Variants in UNKL observed in about 807,000 individuals in gnomAD.
UNKL encodes putative E3 ubiquitin-protein ligase UNKL.
Under a neutral mutation model 78.0 loss-of-function variants are expected in UNKL, and 60 were observed. That is an observed-to-expected ratio of 0.77 (90% confidence interval 0.63 to 0.95). UNKL has a LOEUF of 0.95. Ranked by LOEUF, UNKL falls within the 40% of genes least tolerant of loss-of-function variation. The probability of loss-of-function intolerance (pLI) is 0.00; values close to 1 mark genes in which losing one functional copy is unlikely to be tolerated. For synonymous variants in UNKL, 608 were observed against 474.8 expected, an observed-to-expected ratio of 1.28 and a Z score of -3.65; for missense variants, 1,159 against 1,045.7, an observed-to-expected ratio of 1.11 and a Z score of -1.49.
At chr16:1,391,819 C>T (rs1331219144) in intron 8 of UNKL, among the ~76,000 whole-genome samples, 1 of 152,184 alleles carries the variant, frequency 6.6e-6, no homozygotes, top group Non-Finnish European at 1.5e-5. Flanking sequence ...TCTGGAGTAG[C>T]TGGGATTACA....
intron 10 of UNKL, among the ~76,000 whole-genome samples, chr16:1,381,791 GT>G (rs1383524961): frequency 6.6e-6 from 1 of 152,156 alleles, no homozygotes; most frequent in Non-Finnish European, 1.5e-5. Flanking sequence ...AAACTAGCAT[GT>G]TCTCACCGGG....
intron 2 of UNKL, among the ~76,000 whole-genome samples, chr16:1,404,719 G>T (rs562553489): frequency 6.6e-6 from 1 of 152,218 alleles, no homozygotes; most frequent in African/African-American, 2.4e-5. Flanking sequence ...ACCCAAGTGG[G>T]CGCCAATGGA....
rs765514513 is a variant in UNKL, at chr16:1,414,023, G to A, written c.110C>T (p.Pro37Leu). ...YLKEFRTEQC[P>L]LFSQHKCAQH... Reference sequence around the variant, plus strand: ...CGCGCACTTGTGCTGTGAAAACAGGGGGCACTGCTCCGTCCTGAACTCCTT... The same window carrying A: ...CGCGCACTTGTGCTGTGAAAACAGGAGGCACTGCTCCGTCCTGAACTCCTT... The change falls in exon 2 of 15, where the codon CCC (proline) becomes CTC (leucine). Residue 37 changes from proline to leucine, a missense_variant. Coordinates refer to ENST00000389221, the MANE Select transcript of UNKL (RefSeq NM_001372107.1). 1.2e-5 allele frequency: 18 copies of A among 1,550,830 alleles called. No individual in the cohort carries two copies. Among genetic ancestry groups the A allele is most frequent in the South Asian group, 2.4e-5 (2 of 84,084 alleles).
Position 1,403,408 on chromosome 16 carries a change from T to G in UNKL, c.288-64A>C. 2.0e-6 allele frequency: 3 copies of G among 1,517,454 alleles called. No homozygotes were observed. 94.0% of individuals were successfully genotyped at this position (1,517,454 alleles called of 1,614,324 possible). On this transcript the variant is annotated intron_variant, in intron 2 of 14. Coordinates refer to ENST00000389221, the MANE Select transcript of UNKL (RefSeq NM_001372107.1). This position sits in a 1 kb window ranked among gnomAD's most constrained non-coding sequence, Gnocchi z 4.8. ...GACCCAGAGGCAGCCCTAAGCTCCC[T>G]GGGTCCACGCCCTGTCAGCACGTGG...
intron 5 of UNKL, among the ~76,000 whole-genome samples, chr16:1,397,516 C>G (rs1293465358): frequency 1.7e-5 from 1 of 57,150 alleles, no homozygotes. Context: ...TTGGCTCCCC[C>G]ACCCCGACCC....
chr16:1,396,501 CCT>C (rs1433330257), intron 6 of UNKL, among the ~76,000 whole-genome samples: 2 of 150,900 alleles, frequency 1.3e-5, no homozygotes, highest in African/African-American at 4.9e-5. Flanking sequence ...GTTTCGAACC[CCT>C]GACCTCAAGT....
chr16:1,394,745 G>A lies in UNKL; in HGVS notation c.853-530C>T, dbSNP rs537915779. Among the ~76,000 whole-genome samples the A allele has an allele frequency of 1.8e-4, 28 of 152,196 alleles. 1 individual carries two copies. The South Asian group carries it at 5.8e-3, about 32-fold the overall frequency. ...GCTCTCCGTAAAGGACACGGCACCTGGCACGCCAGGCCTCCAGTGCCCACA... is the reference window on the plus strand; with the variant it reads ...GCTCTCCGTAAAGGACACGGCACCTAGCACGCCAGGCCTCCAGTGCCCACA... On this transcript the variant is annotated intron_variant, in intron 6 of 14. Coordinates refer to ENST00000389221, the MANE Select transcript of UNKL (RefSeq NM_001372107.1).
At chr16:1,378,324 A>G (rs2036386155) in intron 10 of UNKL, among the ~76,000 whole-genome samples, 1 of 152,352 alleles carries the variant, frequency 6.6e-6, no homozygotes, top group African/African-American at 2.4e-5. Flanking sequence ...TAGTCAGGTC[A>G]GCCAGGCTCG....
intron 2 of UNKL, among the ~76,000 whole-genome samples, chr16:1,406,685 G>C (rs559558161): frequency 1.3e-5 from 2 of 152,232 alleles, no homozygotes; most frequent in African/African-American, 4.8e-5. Context: ...GCCGGCCGTG[G>C]GCTTTCCTCT....
intron 10 of UNKL, among the ~76,000 whole-genome samples, chr16:1,375,951 C>T (rs948189789): frequency 7.9e-5 from 12 of 152,234 alleles, no homozygotes; most frequent in Non-Finnish European, 1.3e-4. Flanking sequence ...TGACTGAAGT[C>T]GTGCTGAGCA....
rs1486171126 is a variant in UNKL at position 1,363,837 on chromosome 16, G to A, written c.*2403C>T. The A allele has an allele frequency of 1.3e-5, 2 of 152,890 alleles. No homozygotes were observed. The highest frequency in any genetic ancestry group is 2.4e-5 in the African/African-American group (1 of 41,588). 9.5% of individuals were successfully genotyped at this position (152,890 alleles called of 1,614,324 possible). A position where few individuals can be genotyped will look rare whatever the true frequency, so the allele number is the denominator to read the frequency against. ...TGTCCTCAGAGCCAGTACTGATCTA[G>A]GGGAGCAGGTGCCACCTCCATCTCC... On this transcript the variant is annotated 3_prime_UTR_variant, in exon 15 of 15. Coordinates refer to ENST00000389221, the MANE Select transcript of UNKL (RefSeq NM_001372107.1).
chr16:1,372,089 A>C (rs527779196), intron 10 of UNKL, among the ~76,000 whole-genome samples: 1 of 23,550 alleles, frequency 4.2e-5, no homozygotes, highest in Non-Finnish European at 7.2e-5. Flanking sequence ...ACCCCGTCTC[A>C]ACCAAAAAAA....
intron 2 of UNKL, among the ~76,000 whole-genome samples, chr16:1,405,035 A>T (rs1406660689): frequency 6.6e-6 from 1 of 151,954 alleles, no homozygotes; most frequent in Non-Finnish European, 1.5e-5. Context: ...CTCTACAACA[A>T]ATTTAAAAAT....
In UNKL at chr16:1,399,679, C is replaced by A; in HGVS notation, c.599-170G>T. On this transcript the variant is annotated intron_variant, in intron 4 of 14. Transcript: ENST00000389221. This position sits in a 1 kb window ranked among gnomAD's most constrained non-coding sequence, Gnocchi z 5.8. The stretch of plus-strand genomic sequence containing the variant: ...ACGCTGATGTCAAAGGACTCGCGCT[C>A]CATGAGGGAAGCCGGGCCAGAAGGC... 2 of 1,021,794 alleles carry A rather than the reference C, an allele frequency of 2.0e-6. No homozygotes were observed. The highest frequency in any genetic ancestry group is 1.5e-5 in the South Asian group (1 of 65,456). The allele number at this position is 1,021,794 out of a possible 1,614,324, so 63.3% of individuals were successfully genotyped here.
chr16:1,413,227 G>A (rs1210803153), intron 2 of UNKL, among the ~76,000 whole-genome samples: 1 of 115,054 alleles, frequency 8.7e-6, no homozygotes, highest in African/African-American at 3.5e-5. Context: ...CCCAGCGACA[G>A]AGCAAGACCC....
chr16:1,386,441 CT>C (rs1348867621), intron 9 of UNKL, among the ~76,000 whole-genome samples: 1 of 152,022 alleles, frequency 6.6e-6, no homozygotes, highest in African/African-American at 2.4e-5. Context: ...GTAATCCCAG[CT>C]ACTTGGGAGG....
At chr16:1,398,600 C>T in intron 5 of UNKL, 1 of 1,420,062 alleles carries the variant, frequency 7.0e-7, no homozygotes, top group Non-Finnish European at 9.2e-7. Context: ...GCTCTCTGCT[C>T]AAAGGAAGAG....
rs371849793 is a variant in UNKL at position 1,399,446 on chromosome 16, C to T, written c.662G>A (p.Arg221His). Residue 221 changes from arginine to histidine, a missense_variant, in exon 5 of 15, where the codon CGC becomes CAC. Coordinates refer to ENST00000389221, the MANE Select transcript of UNKL (RefSeq NM_001372107.1). The surrounding 1 kb of genome is among the most constrained non-coding windows in gnomAD (Gnocchi z 5.8). ...GTAGTGTGGGCACGCATAGCCCTGG[C>T]GGCACAGGCGTGGCGGCTTCGGGCA... ...EQCPKPPRLC[R>H]QGYACPHYHN... 54 of 1,604,370 alleles carry T rather than the reference C, an allele frequency of 3.4e-5. No individual in the cohort carries two copies. The highest frequency in any genetic ancestry group is 3.9e-5 in the Non-Finnish European group (46 of 1,176,258).
chr16:1,370,407 C>G, intron 11 of UNKL, 50 bp from the exon 12 acceptor site: 1 of 1,511,878 alleles, frequency 6.6e-7, no homozygotes, highest in South Asian at 1.2e-5. Context: ...GGCCTCTGCC[C>G]AAACATCTGC....
Sources: allele counts gnomAD v4.1 joint callset (sites outside exome capture counted in the v4.1 genomes callset), GRCh38; gene constraint gnomAD v4.1.1; non-coding constraint Gnocchi (gnomAD v3.1); transcripts MANE v1.5; gene names NCBI Gene and HGNC (gene_info 2026-07-23, HGNC 2026-07-21).